FOXJ2: variants seen among roughly 807,000 people sequenced by gnomAD.
The protein encoded by FOXJ2 is forkhead box protein J2.
Under a neutral mutation model 68.4 loss-of-function variants are expected in FOXJ2, and 18 were observed. The ratio of observed to expected loss-of-function variants is 0.26; its 90% CI spans 0.18 to 0.39. FOXJ2 has a LOEUF of 0.39. Among genes scored for constraint, FOXJ2 ranks in the 10% least tolerant of loss-of-function variants. The pLI is 1.00. For missense variants in FOXJ2, 670 were observed against 726.5 expected (o/e 0.92, Z 0.89); for synonymous variants, 274 against 263.2 (o/e 1.04, Z -0.40).
intron 6 of FOXJ2, among the ~76,000 whole-genome samples, chr12:8,046,178 A>G (rs1947034405): frequency 1.3e-5 from 2 of 152,150 alleles, no homozygotes; most frequent in South Asian, 4.1e-4. Context: ...CATTTGGAGG[A>G]CGACCACGAG....
intron 9 of FOXJ2, chr12:8,050,225 C>T (rs1565631163): frequency 1.4e-6 from 1 of 722,814 alleles, no homozygotes; most frequent in East Asian, 6.0e-5. Context: ...ATCTACCCAC[C>T]TCGGCTGCCC....
intron 6 of FOXJ2, among the ~76,000 whole-genome samples, chr12:8,045,384 T>G (rs923790702): frequency 6.6e-6 from 1 of 151,770 alleles, no homozygotes; most frequent in Non-Finnish European, 1.5e-5. Flanking sequence ...CCCAGCTAAT[T>G]TTTGTACTTT....
rs755872094 is a variant in FOXJ2 at position 8,047,958 on chromosome 12, T to C, written c.894T>C (p.Pro298=). ...YMYQQQQPPP[P]QQQQQQQQPP... is the part of the protein sequence containing the mutation. ...ATCAGCAGCAGCAGCCACCGCCACC[T>C]CAACAGCAGCAGCAGCAGCAGCAGC... Residue 298 remains proline (P), a synonymous_variant, in exon 7 of 11, where the codon CCT becomes CCC. Coordinates refer to ENST00000162391, the MANE Select transcript of FOXJ2 (RefSeq NM_018416.3). 2.2e-5 allele frequency: 35 copies of C among 1,612,762 alleles called. 1 individual carries two copies. Among genetic ancestry groups the C allele is most frequent in the Non-Finnish European group, 2.5e-5 (29 of 1,179,644 alleles).
At position 8,040,000 on chromosome 12, in the gene FOXJ2, A is replaced by C; in HGVS notation, c.168A>C (p.Lys56Asn). 6.2e-7 allele frequency: 1 copy of C among 1,614,146 alleles called. No homozygotes were observed. The highest frequency in any genetic ancestry group is 8.5e-7 in the Non-Finnish European group (1 of 1,180,038). The change falls in exon 2 of 11, where the codon AAA becomes AAC. Residue 56 changes from lysine (K) to asparagine (N), a missense_variant. Around this residue, in one of 2 missense-constraint regions of FOXJ2, gnomAD observed 115 missense variants for 164.3 expected, o/e 0.70. Transcript: ENST00000162391. The stretch of plus-strand genomic sequence containing the variant: ...CAGATCCTAATGCCACCCTGAGCAA[A>C]GACGAGGCAGCAGTGCACCAGGACG... ...SPTDPNATLS[K>N]DEAAVHQDGK... is the part of the protein sequence containing the mutation.
rs759770798 is a variant in FOXJ2, at chr12:8,038,334, A to C, written c.-14-1485A>C. Among the ~76,000 whole-genome samples the C allele has an allele frequency of 3.9e-5, 6 of 152,304 alleles. No individual in the cohort carries two copies. In the East Asian group the frequency reaches 1.2e-3, roughly 29 times the overall value. ...GAAGGATGTGTTGGAGTCAGGAGAG[A>C]GGGGGACATGGTCCTATCTGCTGTT... On this transcript the variant is annotated intron_variant, in intron 1 of 10. Coordinates refer to ENST00000162391, the MANE Select transcript of FOXJ2 (RefSeq NM_018416.3). This position sits in a 1 kb window ranked among gnomAD's most constrained non-coding sequence, Gnocchi z 5.3.
chr12:8,045,288 G>A (rs975056777), intron 6 of FOXJ2, among the ~76,000 whole-genome samples: 7 of 146,442 alleles, frequency 4.8e-5, no homozygotes, highest in Non-Finnish European at 9.0e-5. Context: ...GCGCAATCTC[G>A]GCTCACTGCA....
chr12:8,048,742 G>T lies in FOXJ2; in HGVS notation c.1271G>T (p.Ser424Ile). 6.2e-7 allele frequency: 1 copy of T among 1,614,126 alleles called. No individual in the cohort carries two copies. Residue 424 changes from serine (S) to isoleucine (I), a missense_variant, in exon 8 of 11, where the codon AGC (serine) becomes ATC (isoleucine). This residue lies in a region of FOXJ2 where 555 missense variants were observed against 562.2 expected (regional missense o/e 0.99). Coordinates refer to ENST00000162391, the MANE Select transcript of FOXJ2 (RefSeq NM_018416.3). ...TCTAATATTGACTCTTTAAAGGAAAGCTTCAAGATGGTGAATCGGCTCAAT... is the reference window on the plus strand; with the variant it reads ...TCTAATATTGACTCTTTAAAGGAAATCTTCAAGATGGTGAATCGGCTCAAT... ...WCSNIDSLKE[S>I]FKMVNRLNWS...
In FOXJ2 at chr12:8,054,429, T is replaced by C. The variant is rs978267042; in HGVS notation, c.*1579T>C. The stretch of plus-strand genomic sequence containing the variant: ...CCACTTTCTTTGTGATTTCTGCTTT[T>C]CATGCATATTATTTTATTTACCCAT... On this transcript the variant is annotated 3_prime_UTR_variant, in exon 11 of 11. Transcript: ENST00000162391. 2.6e-5 allele frequency: 4 copies of C among 152,330 alleles called. No homozygotes were observed. Among genetic ancestry groups the C allele is most frequent in the African/African-American group, 9.6e-5 (4 of 41,474 alleles). 9.4% of individuals were successfully genotyped at this position (152,330 alleles called of 1,614,324 possible).
chr12:8,039,582 T>C (rs940668391), intron 1 of FOXJ2, among the ~76,000 whole-genome samples: 3 of 152,178 alleles, frequency 2.0e-5, no homozygotes, highest in Admixed American at 6.5e-5. Context: ...GTTTGGTCTC[T>C]TTTAGTCTTA....
At chr12:8,047,463 C>T (rs188846877) in intron 6 of FOXJ2, among the ~76,000 whole-genome samples, 7 of 151,846 alleles carry the variant, frequency 4.6e-5, no homozygotes, top group African/African-American at 1.7e-4. Flanking sequence ...AAACAAAAAA[C>T]GGAAGGAAGA....
Position 8,043,977 on chromosome 12 carries a change from G to C in FOXJ2, c.504G>C (p.Glu168Asp), listed in dbSNP as rs1371229829. ...DDLSQDSPEQ[E>D]ASKSPRGGVA... ...TGTCCCAAGACTCACCAGAACAGGA[G>C]GCAAGCAAGAGCCCACGGGGAGGCG... Residue 168 changes from glutamate (E) to aspartate (D), a missense_variant, in exon 5 of 11, where the codon GAG becomes GAC. By Grantham distance (45) the Glu-to-Asp change is conservative. Coordinates refer to ENST00000162391, the MANE Select transcript of FOXJ2 (RefSeq NM_018416.3). 6.4e-7 allele frequency: 1 copy of C among 1,568,260 alleles called. No homozygotes were observed. The highest frequency in any genetic ancestry group is 8.6e-7 in the Non-Finnish European group (1 of 1,160,822).
In FOXJ2 at chr12:8,053,007, G is replaced by A. The variant is rs1388493338; in HGVS notation, c.*157G>A. The A allele has an allele frequency of 1.9e-5, 8 of 413,160 alleles. No homozygotes were observed. The East Asian group carries it at 2.2e-4, about 11-fold the overall frequency. 25.6% of individuals were successfully genotyped at this position (413,160 alleles called of 1,614,324 possible). On this transcript the variant is annotated 3_prime_UTR_variant, in exon 11 of 11. Coordinates refer to ENST00000162391, the MANE Select transcript of FOXJ2 (RefSeq NM_018416.3). The surrounding 1 kb of genome is among the most constrained non-coding windows in gnomAD (Gnocchi z 4.1). ...AGAGAAGCCACTGCAAGATGCTGCC[G>A]AAGATAACCCTCTCTTTCCTGCCTC...
chr12:8,044,007 A>T lies in FOXJ2; in HGVS notation c.534A>T (p.Ala178=). 1 of 1,590,422 alleles carries T rather than the reference A, an allele frequency of 6.3e-7. No individual in the cohort carries two copies. Among genetic ancestry groups the T allele is most frequent in the Middle Eastern group, 1.7e-4 (1 of 5,960 alleles). The part of the protein sequence containing the change: ...EASKSPRGGV[A]GSGEASLPPE... Reference sequence around the variant, plus strand: ...GCAAGAGCCCACGGGGAGGCGTTGCAGGGAGTGGAGAAGCCTCACTGCCTC... The same window carrying T: ...GCAAGAGCCCACGGGGAGGCGTTGCTGGGAGTGGAGAAGCCTCACTGCCTC... The change falls in exon 5 of 11, where the codon GCA becomes GCT. Residue 178 remains alanine (A), a synonymous_variant. Transcript: ENST00000162391.
rs1214248315 is a variant in FOXJ2 at position 8,047,895 on chromosome 12, C to T, written c.831C>T (p.Leu277=). 3 of 1,593,620 alleles carry T rather than the reference C, an allele frequency of 1.9e-6. No individual in the cohort carries two copies. The highest frequency in any genetic ancestry group is 2.6e-6 in the Non-Finnish European group (3 of 1,166,122). Residue 277 remains leucine, a synonymous_variant, in exon 7 of 11, where the codon CTC becomes CTT. Transcript: ENST00000162391. ...SSSSQHGFSS[L]LGDIPPSNNY... Reference sequence around the variant, plus strand: ...CCCCACCTGCAGGCTTTTCTTCTCTCCTGGGGGACATCCCACCCTCGAACA... The same window carrying T: ...CCCCACCTGCAGGCTTTTCTTCTCTTCTGGGGGACATCCCACCCTCGAACA...
chr12:8,052,319 T>C (rs1308947376), intron 10 of FOXJ2, among the ~76,000 whole-genome samples: 1 of 151,200 alleles, frequency 6.6e-6, no homozygotes, highest in Non-Finnish European at 1.5e-5. Context: ...CCCGGGTTCA[T>C]GCCATTCTCC....
intron 5 of FOXJ2, among the ~76,000 whole-genome samples, chr12:8,044,431 G>C (rs1357924055): frequency 1.3e-5 from 2 of 152,144 alleles, no homozygotes; most frequent in Admixed American, 6.5e-5. Flanking sequence ...AAATTAGCTG[G>C]GCGTGGTGGC....
chr12:8,035,466 T>C lies in FOXJ2; in HGVS notation c.-15+1633T>C, dbSNP rs1946884078. Among the ~76,000 whole-genome samples, 1 of 152,142 alleles carries C rather than the reference T, an allele frequency of 6.6e-6. No homozygotes were observed. The highest frequency in any genetic ancestry group is 1.5e-5 in the Non-Finnish European group (1 of 68,022). On this transcript the variant is annotated intron_variant, in intron 1 of 10. Transcript: ENST00000162391. This position sits in a 1 kb window ranked among gnomAD's most constrained non-coding sequence, Gnocchi z 4.0. ...TTCTAGGACTAATAAGAGAGCTTCA[T>C]TGCTGATACCTCTGGTCTCAGAAGG...
intron 1 of FOXJ2, among the ~76,000 whole-genome samples, chr12:8,039,279 G>A (rs1946935238): frequency 1.3e-5 from 2 of 152,190 alleles, no homozygotes; most frequent in South Asian, 2.1e-4. Flanking sequence ...AAAAGGGCAA[G>A]TGCTCGTAAT....
At chr12:8,042,621 T>C in intron 2 of FOXJ2, 37 bp from the exon 3 acceptor site, 4 of 1,570,084 alleles carry the variant, frequency 2.5e-6, no homozygotes, top group Non-Finnish European at 3.5e-6. Flanking sequence ...CTGCTCTGCA[T>C]AATGCTCAGG....
Sources: allele counts gnomAD v4.1 joint callset (sites outside exome capture counted in the v4.1 genomes callset), GRCh38; gene constraint gnomAD v4.1.1; regional missense constraint gnomAD v4.1.1; non-coding constraint Gnocchi (gnomAD v3.1); transcripts MANE v1.5; gene names NCBI Gene and HGNC (gene_info 2026-07-23, HGNC 2026-07-21).